PDK1: variants seen among roughly 807,000 people sequenced by gnomAD.
PDK1 encodes the protein [Pyruvate dehydrogenase (acetyl-transferring)] kinase isozyme 1, mitochondrial.
PDK1 carries 39 observed loss-of-function variants against 54.2 expected under a neutral mutation model. That is an observed-to-expected ratio of 0.72 (90% CI 0.56 to 0.94). PDK1 has a LOEUF of 0.94. Ranked by LOEUF, PDK1 falls within the 40% of genes least tolerant of loss-of-function variation. The pLI is 0.00. For missense variants in PDK1, 552 were observed against 566.0 expected, an observed-to-expected ratio of 0.98 and a Z score of 0.25; for synonymous variants, 221 against 207.1, an observed-to-expected ratio of 1.07 and a Z score of -0.58.
Position 172,596,640 on chromosome 2 carries a change from A to G in PDK1, c.*671A>G, listed in dbSNP as rs1298796918. On this transcript the variant is annotated 3_prime_UTR_variant, in exon 11 of 11. Transcript: ENST00000282077. The stretch of plus-strand genomic sequence containing the variant: ...GTGTACTTCTGATTAATGCAAGGGG[A>G]AATTTTTATACTGAAAACAAACAAA... 6.6e-6 allele frequency: 1 copy of G among 152,214 alleles called. No individual in the cohort carries two copies. Among genetic ancestry groups the G allele is most frequent in the African/African-American group, 2.4e-5 (1 of 41,452 alleles). 9.4% of individuals were successfully genotyped at this position (152,214 alleles called of 1,614,324 possible). A position where few individuals can be genotyped will look rare whatever the true frequency, so the allele number is the denominator to read the frequency against.
chr2:172,586,158 CAAA>C (rs373332447), intron 8 of PDK1, 117 bp from the exon 9 acceptor site: 5,376 of 344,950 alleles, frequency 0.016, no homozygotes, highest in South Asian at 0.019. Flanking sequence ...GACTCTGTCT[CAAA>C]AAAAAAAAAA....
At chr2:172,677,384 C>T in the PDK1 span, 1 of 152,216 alleles carries the variant, frequency 6.6e-6, no homozygotes, top group Non-Finnish European at 1.5e-5. Flanking sequence ...CTTCCAGTAG[C>T]TTCCTAGAGT....
chr2:172,693,407 C>A, the PDK1 span, among the ~76,000 whole-genome samples: 7 of 152,170 alleles, frequency 4.6e-5, no homozygotes, highest in Non-Finnish European at 1.5e-5. Context: ...TGACCCTGGG[C>A]AAGATACTTG....
chr2:172,719,607 A>G, the PDK1 span, among the ~76,000 whole-genome samples: 1 of 151,474 alleles, frequency 6.6e-6, no homozygotes, highest in Admixed American at 6.6e-5. Flanking sequence ...AGTTTCCAAT[A>G]TATGTTTATT....
At chr2:172,612,665 C>T (rs1691499770), downstream of PDK1, among the ~76,000 whole-genome samples, 1 of 152,010 alleles carries the variant, frequency 6.6e-6, no homozygotes, top group Non-Finnish European at 1.5e-5. Context: ...GAAAATGCTA[C>T]CAGTAGTGTT....
the PDK1 span, among the ~76,000 whole-genome samples, chr2:172,622,229 A>G: frequency 9.3e-6 from 1 of 107,648 alleles, no homozygotes; most frequent in South Asian, 2.7e-4. Context: ...TTTATATCTC[A>G]TATATTATGT....
chr2:172,616,183 A>G, the PDK1 span, among the ~76,000 whole-genome samples: 41 of 152,090 alleles, frequency 2.7e-4, no homozygotes, highest in Admixed American at 2.6e-3. Flanking sequence ...CACTTTCAAA[A>G]CCAATTTAGC....
the PDK1 span, among the ~76,000 whole-genome samples, chr2:172,715,728 T>C: frequency 2.0e-3 from 300 of 152,178 alleles, 1 homozygote; most frequent in African/African-American, 6.9e-3. Flanking sequence ...AGGAAAAAAA[T>C]GAAAATTGTT....
chr2:172,556,184 T>C lies in PDK1; in HGVS notation c.34T>C (p.Leu12=), dbSNP rs887554954. The change falls in exon 1 of 11, where the codon TTG becomes CTG. Residue 12 remains leucine (L), a synonymous_variant. Transcript: ENST00000282077. Reference sequence around the variant, plus strand: ...GGCGCGGCTGCTTCGCGGAGCCGCCTTGGCCGGCCCGGGCCCGGGGCTGCG... The same window carrying C: ...GGCGCGGCTGCTTCGCGGAGCCGCCCTGGCCGGCCCGGGCCCGGGGCTGCG... ...RLARLLRGAA[L]AGPGPGLRAA... The C allele has an allele frequency of 1.1e-5, 15 of 1,421,504 alleles. No homozygotes were observed. The highest frequency in any genetic ancestry group is 1.3e-5 in the Non-Finnish European group (14 of 1,094,462). 88.1% of individuals were successfully genotyped at this position (1,421,504 alleles called of 1,614,324 possible).
intron 9 of PDK1, among the ~76,000 whole-genome samples, chr2:172,589,286 C>CT (rs1291192603): frequency 6.6e-6 from 1 of 152,162 alleles, no homozygotes; most frequent in East Asian, 1.9e-4. Context: ...GAAAGAAGGC[C>CT]TTTTTACAAA....
rs2149209727 is a variant in PDK1, at chr2:172,564,692, G to A, written c.595+5G>A. On this transcript the variant is annotated splice_donor_5th_base_variant and intron_variant, in intron 4 of 10. Coordinates refer to ENST00000282077, the MANE Select transcript of PDK1 (RefSeq NM_002610.5). ...GAATGTTACTCAATCAGCACTGTAAGTGTCCCTCATGAGTCAAGAGAAGAA... is the reference window on the plus strand; with the variant it reads ...GAATGTTACTCAATCAGCACTGTAAATGTCCCTCATGAGTCAAGAGAAGAA... 1 of 1,609,156 alleles carries A rather than the reference G, an allele frequency of 6.2e-7. No individual in the cohort carries two copies. The highest frequency in any genetic ancestry group is 8.5e-7 in the Non-Finnish European group (1 of 1,175,644).
chr2:172,556,516 C>T (rs1393151913), intron 1 of PDK1, 170 bp downstream of exon 1: 2 of 465,628 alleles, frequency 4.3e-6, no homozygotes, highest in African/African-American at 2.0e-5. Flanking sequence ...TCCGAAGTGC[C>T]GGCGCTGGCT....
the PDK1 span, among the ~76,000 whole-genome samples, chr2:172,617,201 C>T: frequency 6.6e-6 from 1 of 152,136 alleles, no homozygotes; most frequent in South Asian, 2.1e-4. Flanking sequence ...CATCTGCCCA[C>T]CTTGGCCTCC....
the PDK1 span, among the ~76,000 whole-genome samples, chr2:172,705,367 T>C: frequency 6.6e-6 from 1 of 152,246 alleles, no homozygotes; most frequent in East Asian, 1.9e-4. Flanking sequence ...GTGTCCAGCC[T>C]TTTGCATCAT....
the PDK1 span, among the ~76,000 whole-genome samples, chr2:172,650,042 T>C: frequency 6.6e-6 from 1 of 152,088 alleles, no homozygotes; most frequent in Non-Finnish European, 1.5e-5. Flanking sequence ...ATTGTCAGAT[T>C]CACCAAAGTT....
Position 172,570,711 on chromosome 2 carries a change from C to T in PDK1, c.847-15C>T. ...TAAAAAGCTGTATTTTTAATACAAC[C>T]CTAATGTATTTCAGAATGCAATGAG... On this transcript the variant is annotated splice_polypyrimidine_tract_variant and intron_variant, in intron 7 of 10. Coordinates refer to ENST00000282077, the MANE Select transcript of PDK1 (RefSeq NM_002610.5). 6.9e-7 allele frequency: 1 copy of T among 1,446,402 alleles called. No homozygotes were observed. The highest frequency in any genetic ancestry group is 9.7e-7 in the Non-Finnish European group (1 of 1,030,224). 89.6% of individuals were successfully genotyped at this position (1,446,402 alleles called of 1,614,324 possible).
intron 7 of PDK1, among the ~76,000 whole-genome samples, chr2:172,570,198 G>A (rs1369222959): frequency 6.6e-6 from 1 of 152,124 alleles, no homozygotes; most frequent in Non-Finnish European, 1.5e-5. Flanking sequence ...TGTTGGCACT[G>A]TGTACCCTAT....
At chr2:172,683,255 G>A in the PDK1 span, among the ~76,000 whole-genome samples, 1 of 151,706 alleles carries the variant, frequency 6.6e-6, no homozygotes, top group African/African-American at 2.4e-5. Flanking sequence ...GCTGAGGCAG[G>A]AGAATGGCAT....
At chr2:172,651,007 C>A in the PDK1 span, among the ~76,000 whole-genome samples, 1 of 152,166 alleles carries the variant, frequency 6.6e-6, no homozygotes, top group African/African-American at 2.4e-5. Flanking sequence ...AACTCTCCAC[C>A]CCAAATCAAC....
Sources: gnomAD v4.1 joint callset for allele counts (sites outside exome capture counted in the v4.1 genomes callset) on GRCh38, gnomAD v4.1.1 for gene constraint, MANE v1.5 for transcripts, NCBI Gene and HGNC (gene_info 2026-07-23, HGNC 2026-07-21) for gene names.